TEAD4: variants seen among roughly 807,000 people sequenced by gnomAD.
TEAD4 encodes TEA domain transcription factor 4.
TEAD4 carries 36 observed loss-of-function variants against 52.4 expected under a neutral mutation model. The observed-to-expected ratio is 0.69, with a 90% CI of 0.53 to 0.91. The LOEUF (loss-of-function observed/expected upper bound fraction) is 0.91, where lower values mean the gene tolerates loss of function less well. Among genes scored for constraint, TEAD4 ranks in the 40% least tolerant of loss-of-function variants. The pLI is 0.00. For missense variants in TEAD4, 508 were observed against 583.9 expected, an observed-to-expected ratio of 0.87 and a Z score of 1.34; for synonymous variants, 220 against 231.0, an observed-to-expected ratio of 0.95 and a Z score of 0.43.
intron 2 of TEAD4, among the ~76,000 whole-genome samples, chr12:2,992,954 G>A (rs1405289636): frequency 1.3e-5 from 2 of 152,156 alleles, no homozygotes; most frequent in African/African-American, 4.8e-5. Context: ...TTGTGACCAT[G>A]AGCCTCCAGA....
rs1285461716 is a variant in TEAD4, at chr12:3,017,522, C to G, written c.479C>G (p.Ser160Ter). 6.2e-7 allele frequency: 1 copy of G among 1,612,988 alleles called. No individual in the cohort carries two copies. The highest frequency in any genetic ancestry group is 1.1e-5 in the South Asian group (1 of 90,904). ...CGGGGCCCCGGCCGCCCAGCAGTCT[C>G]AGGGGTAAGTGGGCTGCCGAGAGCT... Residue 160 changes from serine to a stop codon, truncating the protein, a stop_gained, in exon 6 of 13, where the codon TCA becomes TGA. Coordinates refer to ENST00000359864, the MANE Select transcript of TEAD4 (RefSeq NM_003213.4). LOFTEE classifies it high-confidence loss of function.
At chr12:2,983,613 T>A (rs964558396) in intron 2 of TEAD4, among the ~76,000 whole-genome samples, 1 of 152,170 alleles carries the variant, frequency 6.6e-6, no homozygotes, top group Non-Finnish European at 1.5e-5. Context: ...TTCCCATACA[T>A]CACACTTCCA....
chr12:2,999,224 C>G (rs1415834604), intron 3 of TEAD4, among the ~76,000 whole-genome samples: 1 of 152,184 alleles, frequency 6.6e-6, no homozygotes, highest in African/African-American at 2.4e-5. Context: ...GCTTCCCATC[C>G]TCTGTGTACC....
intron 2 of TEAD4, among the ~76,000 whole-genome samples, chr12:2,980,487 C>T (rs1335548698): frequency 6.6e-6 from 1 of 151,612 alleles, no homozygotes; most frequent in Non-Finnish European, 1.5e-5. Context: ...AATCCCAGCA[C>T]TTTGGGAGGC....
intron 10 of TEAD4, among the ~76,000 whole-genome samples, chr12:3,030,208 T>G (rs1480515862): frequency 1.3e-5 from 2 of 152,234 alleles, no homozygotes; most frequent in Non-Finnish European, 2.9e-5. Flanking sequence ...GTTTTTTAAT[T>G]TTTAATTTCA....
rs139019663 is a variant in TEAD4, at chr12:2,996,908, C to T, written c.226+1916C>T. On this transcript the variant is annotated intron_variant, in intron 3 of 12. Coordinates refer to ENST00000359864, the MANE Select transcript of TEAD4 (RefSeq NM_003213.4). The stretch of plus-strand genomic sequence containing the variant: ...TTTTACAGGTGTGAGCCACCATGCC[C>T]GGCCTTGCATCTGTATTTCTAAATA... Among the ~76,000 whole-genome samples, 211 of 152,306 alleles carry T rather than the reference C, an allele frequency of 1.4e-3. 1 individual carries two copies. Among genetic ancestry groups the T allele is most frequent in the African/African-American group, 4.6e-3 (192 of 41,568 alleles).
intron 2 of TEAD4, among the ~76,000 whole-genome samples, chr12:2,972,540 C>T (rs1337621926): frequency 1.0e-5 from 1 of 98,658 alleles, no homozygotes; most frequent in East Asian, 3.2e-4. Context: ...GCTTTTGTTG[C>T]CCAGGCTGGA....
intron 2 of TEAD4, among the ~76,000 whole-genome samples, chr12:2,963,091 T>A (rs1051874461): frequency 2.0e-5 from 3 of 152,128 alleles, no homozygotes; most frequent in Non-Finnish European, 4.4e-5. Flanking sequence ...CACTGTAGAA[T>A]CTGTGGAGTC....
chr12:3,038,229 C>T, intron 11 of TEAD4, 121 bp downstream of exon 11: 3 of 1,315,116 alleles, frequency 2.3e-6, no homozygotes, highest in Non-Finnish European at 3.1e-6. Flanking sequence ...CCCTTGTTGC[C>T]TTCCCTGTCT....
At chr12:3,009,938 TG>T (rs1183355826) in intron 3 of TEAD4, among the ~76,000 whole-genome samples, 1 of 152,192 alleles carries the variant, frequency 6.6e-6, no homozygotes, top group Non-Finnish European at 1.5e-5. Flanking sequence ...ACAACCCAGG[TG>T]GCAGGCAGCC....
chr12:3,039,380 G>A (rs2098281310), intron 11 of TEAD4, among the ~76,000 whole-genome samples: 1 of 152,236 alleles, frequency 6.6e-6, no homozygotes, highest in Non-Finnish European at 1.5e-5. Context: ...TAACTAGAGT[G>A]TAAAGTGGAC....
rs572947512 is a variant in TEAD4 at position 3,002,350 on chromosome 12, C to A, written c.226+7358C>A. ...ACATTGGTGTACAGGTATCTTGAGT[C>A]CCTGGTTTCAGTTCTTGTGGGATTG... On this transcript the variant is annotated intron_variant, in intron 3 of 12. Transcript: ENST00000359864. 1.1e-4 allele frequency among the ~76,000 whole-genome samples: 17 copies of A among 152,248 alleles called. No homozygotes were observed. The South Asian group carries it at 3.3e-3, about 30-fold the overall frequency.
intron 10 of TEAD4, among the ~76,000 whole-genome samples, chr12:3,032,923 C>T (rs1318229935): frequency 1.3e-5 from 2 of 152,228 alleles, no homozygotes; most frequent in African/African-American, 2.4e-5. Flanking sequence ...CCCCGGCTCC[C>T]CCCGCATCGG....
Position 3,023,034 on chromosome 12 carries a change from G to A in TEAD4, c.897+1017G>A, listed in dbSNP as rs149175784. The stretch of plus-strand genomic sequence containing the variant: ...ACGTTCAGATGGCTTGCCGGCTCCC[G>A]GTGAGCAGCTCCCAGCCTGGCTCTC... On this transcript the variant is annotated intron_variant, in intron 10 of 12. Transcript: ENST00000359864. 3.2e-4 allele frequency among the ~76,000 whole-genome samples: 49 copies of A among 152,320 alleles called. No homozygotes were observed. The East Asian group carries it at 8.9e-3, about 28-fold the overall frequency.
chr12:2,965,495 A>T (rs535216316), intron 2 of TEAD4, among the ~76,000 whole-genome samples: 1 of 152,332 alleles, frequency 6.6e-6, no homozygotes, highest in South Asian at 2.1e-4. Context: ...TTAAAAAAAA[A>T]AAGTGAAGTT....
intron 9 of TEAD4, 30 bp from the exon 10 acceptor site, chr12:3,021,814 C>T (rs753063925): frequency 6.2e-7 from 1 of 1,606,380 alleles, no homozygotes; most frequent in East Asian, 2.2e-5. Flanking sequence ...GGCCTGTGCT[C>T]CGTCTCCCTC....
intron 11 of TEAD4, among the ~76,000 whole-genome samples, chr12:3,038,489 A>T (rs2098280743): frequency 6.6e-6 from 1 of 152,232 alleles, no homozygotes. Flanking sequence ...CACACAGCTC[A>T]TTAGTGCAGA....
At chr12:3,031,306 C>G (rs2098275351) in intron 10 of TEAD4, among the ~76,000 whole-genome samples, 1 of 152,230 alleles carries the variant, frequency 6.6e-6, no homozygotes, top group Non-Finnish European at 1.5e-5. Context: ...ATCTGTGGCT[C>G]TTTCCCGGCA....
At chr12:3,012,320 G>T in intron 5 of TEAD4, 88 bp downstream of exon 5, 3 of 1,409,308 alleles carry the variant, frequency 2.1e-6, no homozygotes, top group South Asian at 1.3e-5. Context: ...ATCACTGCTG[G>T]TGTGCAAGTC....
Sources: allele counts gnomAD v4.1 joint callset (sites outside exome capture counted in the v4.1 genomes callset), GRCh38; gene constraint gnomAD v4.1.1; transcripts MANE v1.5; gene names NCBI Gene and HGNC (gene_info 2026-07-23, HGNC 2026-07-21).